Variants in RANBP10 observed in about 807,000 individuals in gnomAD.
RANBP10 encodes the protein ran-binding protein 10.
A neutral mutation model predicts 72.8 loss-of-function variants in RANBP10; 24 were observed. That is an observed-to-expected ratio of 0.33 (90% confidence interval 0.24 to 0.46). The LOEUF (loss-of-function observed/expected upper bound fraction) is 0.46, where lower values mean the gene tolerates loss of function less well. RANBP10 is among the 20% of genes least tolerant of loss of function. The probability of loss-of-function intolerance (pLI) is 1.00; values close to 1 mark genes in which losing one functional copy is unlikely to be tolerated. For synonymous variants in RANBP10, 310 were observed against 322.3 expected (o/e 0.96, Z 0.41); for missense variants, 679 against 817.5 (o/e 0.83, Z 2.07).
chr16:67,792,982 T>C (rs931362475), intron 2 of RANBP10, among the ~76,000 whole-genome samples: 19 of 151,950 alleles, frequency 1.3e-4, no homozygotes, highest in Non-Finnish European at 2.8e-4. Flanking sequence ...TACACATCCT[T>C]GGTTCTGAGC....
intron 4 of RANBP10, 95 bp downstream of exon 4, chr16:67,744,193 C>T (rs1391343489): frequency 1.3e-6 from 2 of 1,529,470 alleles, no homozygotes; most frequent in Admixed American, 2.0e-5. Context: ...CAGAGCTCAG[C>T]AGAGGCGACA....
chr16:67,785,710 A>G lies in RANBP10; in HGVS notation c.348-13624T>C, dbSNP rs1312958648. ...ACCACTGCACTCCTGCCTAGGAAACAGAGTGAGTGAGACTCCATCTCAAAA... is the reference window on the plus strand; with the variant it reads ...ACCACTGCACTCCTGCCTAGGAAACGGAGTGAGTGAGACTCCATCTCAAAA... On this transcript the variant is annotated intron_variant, in intron 2 of 13. Transcript: ENST00000317506. Among the ~76,000 whole-genome samples the G allele has an allele frequency of 1.6e-4, 24 of 145,694 alleles. 1 individual carries two copies. The highest frequency in any genetic ancestry group is 6.5e-4 in the African/African-American group (24 of 36,772).
rs753827158 is a variant in RANBP10 at position 67,728,586 on chromosome 16, C to A, written c.1353-75G>T. On this transcript the variant is annotated intron_variant, in intron 10 of 13. Transcript: ENST00000317506. ...CAGCCTGGTTGGGCCTCCTTTCAAG[C>A]TGTAGCCATGGGTTGCTGTGGGTGA... The A allele has an allele frequency of 5.0e-6, 8 of 1,608,360 alleles. No homozygotes were observed. In the East Asian group the frequency reaches 1.3e-4, roughly 27 times the overall value.
At chr16:67,738,987 C>G (rs2053914023) in intron 4 of RANBP10, 1 of 149,860 alleles carries the variant, frequency 6.7e-6, no homozygotes, top group Non-Finnish European at 1.5e-5. Context: ...TGGAGAAGGG[C>G]CTCACTCTGT....
chr16:67,746,079 C>A (rs180865941), intron 3 of RANBP10, among the ~76,000 whole-genome samples: 1 of 151,338 alleles, frequency 6.6e-6, no homozygotes, highest in Admixed American at 6.6e-5. Flanking sequence ...TCACGTGAAC[C>A]CAGGAGGCGG....
In RANBP10 at chr16:67,729,886, A is replaced by G. The variant is rs1026897692; in HGVS notation, c.998+52T>C. The stretch of plus-strand genomic sequence containing the variant: ...TGTGGTCCAGGTTGACGTTCCCACC[A>G]CCAGCTGAGAGGGGCTGGACTCTGG... On this transcript the variant is annotated intron_variant, in intron 8 of 13. Coordinates refer to ENST00000317506, the MANE Select transcript of RANBP10 (RefSeq NM_020850.3). This position sits in a 1 kb window ranked among gnomAD's most constrained non-coding sequence, Gnocchi z 7.1. The G allele has an allele frequency of 1.9e-6, 3 of 1,613,256 alleles. No individual in the cohort carries two copies. Among genetic ancestry groups the G allele is most frequent in the African/African-American group, 1.3e-5 (1 of 74,894 alleles).
chr16:67,737,096 G>C (rs1292781841), intron 5 of RANBP10, among the ~76,000 whole-genome samples: 3 of 150,832 alleles, frequency 2.0e-5, no homozygotes, highest in Non-Finnish European at 4.4e-5. Flanking sequence ...GATGGCTGGA[G>C]GTGAGGATAT....
intron 3 of RANBP10, among the ~76,000 whole-genome samples, chr16:67,752,131 G>A (rs1330525883): frequency 5.3e-5 from 8 of 152,138 alleles, no homozygotes; most frequent in South Asian, 2.1e-4. Context: ...GTTACAGGCC[G>A]GATAAGACCC....
At chr16:67,767,628 G>A (rs1465538376) in intron 3 of RANBP10, among the ~76,000 whole-genome samples, 1 of 150,184 alleles carries the variant, frequency 6.7e-6, no homozygotes. Context: ...ACGGCGTCTC[G>A]CTCTTTCACC....
chr16:67,762,323 T>A (rs1157733977), intron 3 of RANBP10: 1 of 152,212 alleles, frequency 6.6e-6, no homozygotes, highest in African/African-American at 2.4e-5. Context: ...GGCACTAGTC[T>A]AAGCATGTTA....
At chr16:67,786,590 A>G (rs950297847) in intron 2 of RANBP10, among the ~76,000 whole-genome samples, 1 of 152,202 alleles carries the variant, frequency 6.6e-6, no homozygotes, top group African/African-American at 2.4e-5. Flanking sequence ...AATGCAAATC[A>G]AAACCACAAT....
At chr16:67,791,107 G>A (rs543311977) in intron 2 of RANBP10, among the ~76,000 whole-genome samples, 6 of 150,568 alleles carry the variant, frequency 4.0e-5, no homozygotes, top group East Asian at 3.9e-4. Flanking sequence ...TCTGCCTCCC[G>A]GGTTGAAGCG....
chr16:67,769,686 C>A (rs1358976707), intron 3 of RANBP10, among the ~76,000 whole-genome samples: 1 of 127,988 alleles, frequency 7.8e-6, no homozygotes, highest in African/African-American at 3.0e-5. Flanking sequence ...GCAGAGCTTG[C>A]AGTGAGCCGA....
At chr16:67,733,899 A>G (rs987958958) in intron 6 of RANBP10, among the ~76,000 whole-genome samples, 5 of 152,182 alleles carry the variant, frequency 3.3e-5, no homozygotes, top group Non-Finnish European at 5.9e-5. Flanking sequence ...CAGACTTGGC[A>G]TCTTCACCCC....
chr16:67,786,182 A>G (rs1259321535), intron 2 of RANBP10, among the ~76,000 whole-genome samples: 1 of 151,944 alleles, frequency 6.6e-6, no homozygotes, highest in Non-Finnish European at 1.5e-5. Context: ...TTTAAAATTT[A>G]GCCAGTCATG....
At chr16:67,755,385 C>T (rs973470922) in intron 3 of RANBP10, among the ~76,000 whole-genome samples, 1 of 151,958 alleles carries the variant, frequency 6.6e-6, no homozygotes. Flanking sequence ...GATGTGAGGG[C>T]CAGAAAAGAA....
Position 67,729,568 on chromosome 16 carries a change from C to T in RANBP10, c.1148-84G>A. ...AAGAACAACCACAGTGGTCCCATTT[C>T]CCTTCTCCCAAATCCAGCAGTGAGC... On this transcript the variant is annotated intron_variant, in intron 9 of 13. Coordinates refer to ENST00000317506, the MANE Select transcript of RANBP10 (RefSeq NM_020850.3). The surrounding 1 kb of genome is among the most constrained non-coding windows in gnomAD (Gnocchi z 7.1). 7 of 1,557,274 alleles carry T rather than the reference C, an allele frequency of 4.5e-6. No individual in the cohort carries two copies.
chr16:67,750,566 C>A (rs2054174356), intron 3 of RANBP10, among the ~76,000 whole-genome samples: 1 of 152,160 alleles, frequency 6.6e-6, no homozygotes, highest in Non-Finnish European at 1.5e-5. Flanking sequence ...CAGTGCCCAG[C>A]ATGTCAGGAG....
intron 2 of RANBP10, among the ~76,000 whole-genome samples, chr16:67,791,392 A>G (rs2055025466): frequency 6.6e-6 from 1 of 152,222 alleles, no homozygotes; most frequent in South Asian, 2.1e-4. Flanking sequence ...GAACTGCTGC[A>G]TAAGATACAG....
Sources: allele counts gnomAD v4.1 joint callset (sites outside exome capture counted in the v4.1 genomes callset), GRCh38; gene constraint gnomAD v4.1.1; non-coding constraint Gnocchi (gnomAD v3.1); transcripts MANE v1.5; gene names NCBI Gene and HGNC (gene_info 2026-07-23, HGNC 2026-07-21).